Variants in HOGA1 observed in about 807,000 individuals in gnomAD.
HOGA1 encodes the protein 4-hydroxy-2-oxoglutarate aldolase, mitochondrial.
Under a neutral mutation model 34.3 loss-of-function variants are expected in HOGA1, and 30 were observed. The ratio of observed to expected loss-of-function variants is 0.87; its 90% CI spans 0.65 to 1.19. The LOEUF (loss-of-function observed/expected upper bound fraction) is 1.19, where lower values mean the gene tolerates loss of function less well. Among genes scored for constraint, HOGA1 ranks in the 50% most tolerant of loss-of-function variants. HOGA1 has a pLI of 0.00. For synonymous variants in HOGA1, 161 were observed against 174.0 expected (o/e 0.93, Z 0.59); for missense variants, 417 against 436.5 (o/e 0.96, Z 0.40).
intron 6 of HOGA1, among the ~76,000 whole-genome samples, chr10:97,604,167 A>G (rs1249777199): frequency 6.6e-6 from 1 of 152,178 alleles, no homozygotes; most frequent in African/African-American, 2.4e-5. Flanking sequence ...AGTATACTAT[A>G]TGGAATCACA....
intron 1 of HOGA1, chr10:97,590,064 G>C: frequency 6.2e-7 from 1 of 1,614,150 alleles, no homozygotes; most frequent in Non-Finnish European, 8.5e-7. Flanking sequence ...GCCAGCGCTA[G>C]TGGCAATGCT....
At chr10:97,587,276 AG>A (rs1168877572) in intron 1 of HOGA1, among the ~76,000 whole-genome samples, 3 of 152,152 alleles carry the variant, frequency 2.0e-5, no homozygotes, top group Admixed American at 2.0e-4. Context: ...TCCTGCAGCC[AG>A]TTAAAGGTCC....
intron 2 of HOGA1, 66 bp downstream of exon 2, chr10:97,598,969 G>C: frequency 6.2e-7 from 1 of 1,609,782 alleles, no homozygotes; most frequent in Middle Eastern, 1.9e-4. Flanking sequence ...CTAGGCCCTA[G>C]CTTGGGTCCT....
At chr10:97,586,474 G>C (rs1486119737) in intron 1 of HOGA1, among the ~76,000 whole-genome samples, 1 of 152,234 alleles carries the variant, frequency 6.6e-6, no homozygotes, top group Non-Finnish European at 1.5e-5. Flanking sequence ...AATGCCCTGT[G>C]GAGGGCCACG....
In HOGA1 at chr10:97,598,932, G is replaced by A. The variant is rs373909647; in HGVS notation, c.340+29G>A. On this transcript the variant is annotated intron_variant, in intron 2 of 6. Coordinates refer to ENST00000370646, the MANE Select transcript of HOGA1 (RefSeq NM_138413.4). The stretch of plus-strand genomic sequence containing the variant: ...AGCCAGAATGCCCTGGGCCCTGGGG[G>A]TGGGTGGATGTGCAGGATCCAGGCT... 3.3e-5 allele frequency: 54 copies of A among 1,612,518 alleles called. No homozygotes were observed. In the Middle Eastern group the frequency reaches 5.1e-4, roughly 15 times the overall value.
In HOGA1 at chr10:97,599,740, G is replaced by C. The variant is rs777601935; in HGVS notation, c.529G>C (p.Asp177His). 1 of 1,614,176 alleles carries C rather than the reference G, an allele frequency of 6.2e-7. No homozygotes were observed. The highest frequency in any genetic ancestry group is 8.5e-7 in the Non-Finnish European group (1 of 1,180,028). Residue 177 changes from aspartate (D) to histidine (H), a missense_variant, in exon 4 of 7, where the codon GAC becomes CAC. By Grantham distance (81) the Asp-to-His change is moderately conservative (BLOSUM62 -1). Coordinates refer to ENST00000370646, the MANE Select transcript of HOGA1 (RefSeq NM_138413.4). ...LYSVPANTGL[D>H]LPVDAVVTLS... ...CAGTGTCCCAGCCAACACAGGGCTGGACCTGCCTGTGGATGCAGTGGTCAC... is the reference window on the plus strand; with the variant it reads ...CAGTGTCCCAGCCAACACAGGGCTGCACCTGCCTGTGGATGCAGTGGTCAC...
intron 5 of HOGA1, among the ~76,000 whole-genome samples, chr10:97,601,619 C>A (rs984899341): frequency 1.3e-5 from 2 of 152,186 alleles, no homozygotes; most frequent in Non-Finnish European, 2.9e-5. Flanking sequence ...GCTCCCTGCC[C>A]CTCACAGATC....
Position 97,584,870 on chromosome 10 carries a change from A to G in HOGA1, c.167A>G (p.Lys56Arg). The G allele has an allele frequency of 1.2e-6, 2 of 1,614,152 alleles. No homozygotes were observed. The highest frequency in any genetic ancestry group is 1.7e-6 in the Non-Finnish European group (2 of 1,180,020). ...FTATAEVDYG[K>R]LEENLHKLGT... ...GCCACTGCAGAGGTGGACTATGGGA[A>G]ACTGGAGGAGAATCTGCACAAACTG... The change falls in exon 1 of 7, where the codon AAA (lysine) becomes AGA (arginine). Residue 56 changes from lysine (K) to arginine (R), a missense_variant. Transcript: ENST00000370646.
rs555506879 is a variant in HOGA1 at position 97,599,639 on chromosome 10, C to T, written c.469-41C>T. ...AGTCTCTGGCTCTTGGGACCTGGGG[C>T]GGCTGCCCTCTCCTGCTTTTCTCTG... On this transcript the variant is annotated intron_variant, in intron 3 of 6. Coordinates refer to ENST00000370646, the MANE Select transcript of HOGA1 (RefSeq NM_138413.4). The T allele has an allele frequency of 1.1e-4, 177 of 1,612,052 alleles. 1 individual carries two copies. In the South Asian group the frequency reaches 1.2e-3, roughly 11 times the overall value.
chr10:97,596,044 T>C (rs557048616), intron 1 of HOGA1, among the ~76,000 whole-genome samples: 4 of 152,300 alleles, frequency 2.6e-5, no homozygotes, highest in South Asian at 4.1e-4. Context: ...TGTCATCCCA[T>C]AGAAAAGGAA....
At position 97,584,652 on chromosome 10, in the gene HOGA1, C is replaced by CT; in HGVS notation, c.-51dup. 2.7e-6 allele frequency: 4 copies of CT among 1,457,616 alleles called. No individual in the cohort carries two copies. The highest frequency in any genetic ancestry group is 3.6e-4 in the Middle Eastern group (2 of 5,568). 90.3% of individuals were successfully genotyped at this position (1,457,616 alleles called of 1,614,324 possible). A position where few individuals can be genotyped will look rare whatever the true frequency, so the allele number is the denominator to read the frequency against. The stretch of plus-strand genomic sequence containing the variant: ...AATAGGGGGTTAGAAAGAGTTCAAA[C>CT]TAAGTCTCACTCTGGGACATAGACC... On this transcript the variant is annotated 5_prime_UTR_variant, in exon 1 of 7. Coordinates refer to ENST00000370646, the MANE Select transcript of HOGA1 (RefSeq NM_138413.4).
intron 6 of HOGA1, among the ~76,000 whole-genome samples, chr10:97,608,803 C>CAA (rs5787247): frequency 0.013 from 2,006 of 148,782 alleles, 32 homozygotes; most frequent in African/African-American, 0.045. Flanking sequence ...GGGACTGTTT[C>CAA]AAAAAAAAAA....
chr10:97,597,912 T>C (rs887238385), intron 1 of HOGA1, among the ~76,000 whole-genome samples: 1 of 152,162 alleles, frequency 6.6e-6, no homozygotes, highest in Non-Finnish European at 1.5e-5. Flanking sequence ...ATTGTGACAC[T>C]GCACTCCAGC....
chr10:97,599,543 G>A, intron 3 of HOGA1, 137 bp from the exon 4 acceptor site: 1 of 1,093,992 alleles, frequency 9.1e-7, no homozygotes, highest in Non-Finnish European at 1.4e-6. Context: ...TACACTCGGG[G>A]CACGTAGCAT....
intron 1 of HOGA1, among the ~76,000 whole-genome samples, chr10:97,588,107 C>T (rs542939793): frequency 6.6e-6 from 1 of 152,242 alleles, no homozygotes; most frequent in South Asian, 2.1e-4. Context: ...CCACCATGCC[C>T]GGCCCCGTGT....
At chr10:97,600,533 T>G (rs1200896994) in intron 5 of HOGA1, 1 of 356,244 alleles carries the variant, frequency 2.8e-6, no homozygotes, top group Admixed American at 4.0e-5. Context: ...AGGAGTCCAT[T>G]TTCCTCTCCC....
chr10:97,588,934 AT>A (rs1443556142), intron 1 of HOGA1, among the ~76,000 whole-genome samples: 2 of 151,878 alleles, frequency 1.3e-5, no homozygotes, highest in African/African-American at 2.4e-5. Context: ...GGCCTTGGAG[AT>A]TAATTAGGCT....
At chr10:97,587,757 C>T (rs1480445038) in intron 1 of HOGA1, among the ~76,000 whole-genome samples, 1 of 152,136 alleles carries the variant, frequency 6.6e-6, no homozygotes, top group East Asian at 1.9e-4. Flanking sequence ...CCGCCGGCCT[C>T]GGCCTCCCAA....
Position 97,597,179 on chromosome 10 carries a change from C to T in HOGA1, c.212-1596C>T, listed in dbSNP as rs540459584. 1.4e-3 allele frequency among the ~76,000 whole-genome samples: 207 copies of T among 150,592 alleles called. 1 individual carries two copies. The highest frequency in any genetic ancestry group is 2.6e-3 in the Non-Finnish European group (178 of 67,820). ...GGAGTGCAGTGGCACAATCATAGTT[C>T]ACTGCAGCTTCAAATGCACCTGGTT... On this transcript the variant is annotated intron_variant, in intron 1 of 6. Transcript: ENST00000370646.
Sources: allele counts gnomAD v4.1 joint callset (sites outside exome capture counted in the v4.1 genomes callset), GRCh38; gene constraint gnomAD v4.1.1; transcripts MANE v1.5; gene names NCBI Gene and HGNC (gene_info 2026-07-23, HGNC 2026-07-21).